Variants in TEX2 observed in about 807,000 individuals in gnomAD.
TEX2 encodes testis expressed 2, also known as testis-expressed protein 2.
Under a neutral mutation model 106.9 loss-of-function variants are expected in TEX2, and 53 were observed. The observed-to-expected ratio is 0.50, with a 90% CI of 0.40 to 0.62. The LOEUF is 0.62. Among genes scored for constraint, TEX2 ranks in the 20% least tolerant of loss-of-function variants. The probability of loss-of-function intolerance (pLI) is 0.00; values close to 1 mark genes in which losing one functional copy is unlikely to be tolerated. For missense variants in TEX2, 1,207 were observed against 1,379.0 expected (o/e 0.88, Z 1.98); for synonymous variants, 523 against 534.8 (o/e 0.98, Z 0.30).
At chr17:64,200,313 C>T (rs1445540191) in intron 2 of TEX2, among the ~76,000 whole-genome samples, 5 of 152,174 alleles carry the variant, frequency 3.3e-5, no homozygotes, top group Non-Finnish European at 5.9e-5. Flanking sequence ...TGTTACTCTG[C>T]CCCAGTCTAA....
intron 5 of TEX2, among the ~76,000 whole-genome samples, chr17:64,180,621 A>G (rs1022214831): frequency 6.6e-6 from 1 of 152,366 alleles, no homozygotes; most frequent in Non-Finnish European, 1.5e-5. Context: ...TAATATTGCC[A>G]TTTGGCTATA....
chr17:64,149,232 C>A, intron 11 of TEX2, 141 bp from the exon 12 acceptor site: 1 of 812,020 alleles, frequency 1.2e-6, no homozygotes. Flanking sequence ...AACTAATTCT[C>A]CCACCATACA....
At chr17:64,188,454 A>G in intron 4 of TEX2, 39 bp from the exon 5 acceptor site, 1 of 1,585,706 alleles carries the variant, frequency 6.3e-7, no homozygotes, top group South Asian at 1.1e-5. Context: ...CACAATGAAG[A>G]AAACAACTGC....
chr17:64,246,852 G>C (rs1319532396), intron 1 of TEX2, among the ~76,000 whole-genome samples: 2 of 152,202 alleles, frequency 1.3e-5, no homozygotes, highest in African/African-American at 4.8e-5. Context: ...CACAGAGCTG[G>C]GAGGACCAGC....
At chr17:64,225,233 C>G (rs2033473000) in intron 1 of TEX2, among the ~76,000 whole-genome samples, 1 of 152,004 alleles carries the variant, frequency 6.6e-6, no homozygotes, top group African/African-American at 2.4e-5. Flanking sequence ...GGGAGGAATG[C>G]TTGAGTCCAG....
At chr17:64,259,876 A>G (rs1216400508) in intron 1 of TEX2, among the ~76,000 whole-genome samples, 1 of 152,240 alleles carries the variant, frequency 6.6e-6, no homozygotes, top group Non-Finnish European at 1.5e-5. Flanking sequence ...ACTGCTGACT[A>G]CAAGTCTAAG....
At chr17:64,176,019 A>G (rs942683557) in intron 6 of TEX2, among the ~76,000 whole-genome samples, 1 of 152,194 alleles carries the variant, frequency 6.6e-6, no homozygotes, top group Non-Finnish European at 1.5e-5. Context: ...ATCTCCCAAC[A>G]CAGAGGGTTA....
At chr17:64,223,256 C>G (rs1009946281) in intron 1 of TEX2, among the ~76,000 whole-genome samples, 1 of 151,408 alleles carries the variant, frequency 6.6e-6, no homozygotes, top group African/African-American at 2.4e-5. Context: ...AAAAACCAAT[C>G]AACAATAAAT....
In TEX2 at chr17:64,147,231, A is replaced by G. The variant is rs989425931; in HGVS notation, c.*1738T>C. 1.3e-5 allele frequency: 2 copies of G among 152,242 alleles called. No individual in the cohort carries two copies. The highest frequency in any genetic ancestry group is 4.8e-5 in the African/African-American group (2 of 41,448). The allele number at this position is 152,242 out of a possible 1,614,324, so 9.4% of individuals were successfully genotyped here. A position where few individuals can be genotyped will look rare whatever the true frequency, so the allele number is the denominator to read the frequency against. On this transcript the variant is annotated 3_prime_UTR_variant, in exon 12 of 12. Coordinates refer to ENST00000584379, the MANE Select transcript of TEX2 (RefSeq NM_001288732.2). ...CCTACCCCCTCAGTTACGAACTTTC[A>G]CTGGATTCTTTAAATGTGGGCTGAA...
In TEX2 at chr17:64,205,761, G is replaced by GA. The variant is rs1295821231; in HGVS notation, c.1644+6812dup. The stretch of plus-strand genomic sequence containing the variant: ...ATATCTACATGTGACACAATCTAAA[G>GA]AAAAAAAAGTTCTCCAAAATCCATT... On this transcript the variant is annotated intron_variant, in intron 2 of 11. Coordinates refer to ENST00000584379, the MANE Select transcript of TEX2 (RefSeq NM_001288732.2). This position sits in a 1 kb window ranked among gnomAD's most constrained non-coding sequence, Gnocchi z 4.0. 2.0e-5 allele frequency among the ~76,000 whole-genome samples: 3 copies of GA among 151,400 alleles called. No homozygotes were observed. Among genetic ancestry groups the GA allele is most frequent in the Admixed American group, 6.6e-5 (1 of 15,214 alleles).
At chr17:64,240,232 G>C (rs1567964345) in intron 1 of TEX2, among the ~76,000 whole-genome samples, 1 of 130,910 alleles carries the variant, frequency 7.6e-6, no homozygotes, top group Non-Finnish European at 1.6e-5. Context: ...TGTATATGCA[G>C]ATGTGTGTGT....
In TEX2 at chr17:64,147,703, T is replaced by C. The variant is rs953765631; in HGVS notation, c.*1266A>G. The C allele has an allele frequency of 1.3e-5, 2 of 152,616 alleles. No homozygotes were observed. Among genetic ancestry groups the C allele is most frequent in the Admixed American group, 1.3e-4 (2 of 15,284 alleles). The allele number at this position is 152,616 out of a possible 1,614,324, so 9.5% of individuals were successfully genotyped here. On this transcript the variant is annotated 3_prime_UTR_variant, in exon 12 of 12. Coordinates refer to ENST00000584379, the MANE Select transcript of TEX2 (RefSeq NM_001288732.2). ...GTCAAACAATTTAAGTCAAATGTTTTAATGGTGCAATTAAAATAAGGGTTC... is the reference window on the plus strand; with the variant it reads ...GTCAAACAATTTAAGTCAAATGTTTCAATGGTGCAATTAAAATAAGGGTTC...
intron 1 of TEX2, among the ~76,000 whole-genome samples, chr17:64,236,659 T>C (rs538689239): frequency 6.6e-6 from 1 of 152,348 alleles, no homozygotes; most frequent in Admixed American, 6.5e-5. Context: ...TCAGGGATCC[T>C]AGAACTAATC....
chr17:64,226,951 G>A (rs1598205293), intron 1 of TEX2, among the ~76,000 whole-genome samples: 1 of 152,160 alleles, frequency 6.6e-6, no homozygotes, highest in East Asian at 1.9e-4. Flanking sequence ...CATCAGGCTG[G>A]GCACGGGGGC....
chr17:64,197,839 C>A, intron 2 of TEX2, among the ~76,000 whole-genome samples: 1 of 152,208 alleles, frequency 6.6e-6, no homozygotes, highest in East Asian at 1.9e-4. Context: ...GCTGGGATTA[C>A]ATGCATGAAC....
chr17:64,195,007 G>A lies in TEX2; in HGVS notation c.1733C>T (p.Thr578Ile), dbSNP rs1421640229. 5 of 1,614,116 alleles carry A rather than the reference G, an allele frequency of 3.1e-6. No homozygotes were observed. Among genetic ancestry groups the A allele is most frequent in the Non-Finnish European group, 4.2e-6 (5 of 1,180,012 alleles). ...HSVFVRLEGG[T>I]LRLSKPNKNI... ...TTTATTGGGCTTTGAAAGTCTTAAG[G>A]TTCCACCCTCAAGTCGAACAAAGAC... The change falls in exon 3 of 12, where the codon ACC becomes ATC. Residue 578 changes from threonine (T) to isoleucine (I), a missense_variant. Thr to Ile is a moderately conservative substitution (Grantham distance 89). Coordinates refer to ENST00000584379, the MANE Select transcript of TEX2 (RefSeq NM_001288732.2). This position sits in a 1 kb window ranked among gnomAD's most constrained non-coding sequence, Gnocchi z 4.1.
rs2030472623 is a variant in TEX2, at chr17:64,153,591, C to T, written c.2931-437G>A. 6.6e-6 allele frequency among the ~76,000 whole-genome samples: 1 copy of T among 152,194 alleles called. No individual in the cohort carries two copies. The highest frequency in any genetic ancestry group is 1.9e-4 in the East Asian group (1 of 5,202). ...TCCAATGACATATCAATCTCATAAT[C>T]TCCATGCAGCAAGTAACAAATCATG... On this transcript the variant is annotated intron_variant, in intron 9 of 11. Transcript: ENST00000584379. The surrounding 1 kb of genome is among the most constrained non-coding windows in gnomAD (Gnocchi z 4.1).
chr17:64,230,015 A>C (rs542131117), intron 1 of TEX2, among the ~76,000 whole-genome samples: 42 of 152,350 alleles, frequency 2.8e-4, no homozygotes, highest in African/African-American at 1.0e-3. Flanking sequence ...TAGGGCAGTA[A>C]ATTTGCTAAG....
At chr17:64,258,783 A>G (rs1317535533) in intron 1 of TEX2, among the ~76,000 whole-genome samples, 1 of 149,804 alleles carries the variant, frequency 6.7e-6, no homozygotes, top group Non-Finnish European at 1.5e-5. Flanking sequence ...TTTTTTAAAC[A>G]GAGTCTCACT....
Sources: allele counts gnomAD v4.1 joint callset (sites outside exome capture counted in the v4.1 genomes callset), GRCh38; gene constraint gnomAD v4.1.1; non-coding constraint Gnocchi (gnomAD v3.1); transcripts MANE v1.5; gene names NCBI Gene and HGNC (gene_info 2026-07-23, HGNC 2026-07-21).